Variants in TOMM20L observed in about 807,000 individuals in gnomAD.
The protein encoded by TOMM20L is translocase of outer mitochondrial membrane 20 like.
TOMM20L carries 19 observed loss-of-function variants against 20.4 expected under a neutral mutation model. The observed-to-expected ratio is 0.93, with a 90% CI of 0.65 to 1.36. TOMM20L has a LOEUF of 1.36. Ranked by LOEUF, TOMM20L falls within the 40% of genes most tolerant of loss-of-function variation. The probability of loss-of-function intolerance (pLI) is 0.00; values close to 1 mark genes in which losing one functional copy is unlikely to be tolerated. For synonymous variants in TOMM20L, 75 were observed against 79.6 expected (o/e 0.94, Z 0.30); for missense variants, 218 against 203.7 (o/e 1.07, Z -0.43).
rs1307557262 is a variant in TOMM20L, at chr14:58,407,472, A to G, written c.405+4A>G. ...CAAAATTCCCCTTATTTGCCAGGTGAGCACATATTTAATTATCTTTGTGAA... is the reference window on the plus strand; with the variant it reads ...CAAAATTCCCCTTATTTGCCAGGTGGGCACATATTTAATTATCTTTGTGAA... On this transcript the variant is annotated splice_donor_region_variant and intron_variant, in intron 4 of 4. Coordinates refer to ENST00000360945, the MANE Select transcript of TOMM20L (RefSeq NM_207377.3). The G allele has an allele frequency of 2.5e-6, 4 of 1,609,094 alleles. No homozygotes were observed. Among genetic ancestry groups the G allele is most frequent in the Non-Finnish European group, 8.5e-7 (1 of 1,178,476 alleles).
At chr14:58,410,969 T>C (rs1202754919), downstream of TOMM20L, 3 of 1,531,658 alleles carry the variant, frequency 2.0e-6, no homozygotes, top group East Asian at 4.5e-5. Flanking sequence ...TCTTTAGTAT[T>C]TGGTTTTTAA....
Position 58,407,351 on chromosome 14 carries a change from C to T in TOMM20L, c.288C>T (p.His96=). ...GAGAGCACAGAATGGGGATTCAACA[C>T]CTCGGCAATGCCCTTTTAGTGTGCG... ...SRGEHRMGIQ[H]LGNALLVCEQ... is the part of the protein sequence containing the mutation. The change falls in exon 4 of 5, where the codon CAC becomes CAT. Residue 96 remains histidine, a synonymous_variant. Coordinates refer to ENST00000360945, the MANE Select transcript of TOMM20L (RefSeq NM_207377.3). 4 of 1,610,076 alleles carry T rather than the reference C, an allele frequency of 2.5e-6. No homozygotes were observed. The highest frequency in any genetic ancestry group is 3.4e-6 in the Non-Finnish European group (4 of 1,178,648).
chr14:58,403,235 G>A (rs1353056918), intron 3 of TOMM20L, among the ~76,000 whole-genome samples: 2 of 152,170 alleles, frequency 1.3e-5, no homozygotes, highest in Non-Finnish European at 2.9e-5. Context: ...GCATGTGCCT[G>A]TAGTCCCAGC....
chr14:58,416,992 G>C, the TOMM20L span, among the ~76,000 whole-genome samples: 1 of 152,108 alleles, frequency 6.6e-6, no homozygotes, highest in African/African-American at 2.4e-5. Flanking sequence ...GACCTGGTGG[G>C]AGGTAATTGA....
chr14:58,416,316 T>C, the TOMM20L span, among the ~76,000 whole-genome samples: 18 of 152,258 alleles, frequency 1.2e-4, 1 homozygote, highest in African/African-American at 4.1e-4. Flanking sequence ...ATCTTGCCTG[T>C]AGGGGTAAAA....
chr14:58,410,796 G>C, downstream of TOMM20L: 1 of 1,299,368 alleles, frequency 7.7e-7, no homozygotes, highest in Non-Finnish European at 1.1e-6. Flanking sequence ...CCTACTTAGA[G>C]TGTTTATGAA....
rs1181990512 is a variant in TOMM20L at position 58,396,340 on chromosome 14, A to G, written c.179A>G (p.Gln60Arg). The G allele has an allele frequency of 2.4e-5, 39 of 1,613,196 alleles. No individual in the cohort carries two copies. The highest frequency in any genetic ancestry group is 3.1e-5 in the Non-Finnish European group (37 of 1,179,810). Residue 60 changes from glutamine to arginine, a missense_variant and splice_region_variant, in exon 2 of 5, where the codon CAG (glutamine) becomes CGG (arginine). Coordinates refer to ENST00000360945, the MANE Select transcript of TOMM20L (RefSeq NM_207377.3). ...EPQKAEEQGT[Q>R]LWDPTKNKKL... ...CAAAAGGCTGAGGAGCAGGGCACGC[A>G]GGTGCAGTGCTTTCGATCCGCACAG... is the stretch of plus-strand genomic sequence containing the variant.
At chr14:58,410,821 TAGTG>T (rs756501404), downstream of TOMM20L, 4 of 1,544,062 alleles carry the variant, frequency 2.6e-6, no homozygotes, top group Non-Finnish European at 3.5e-6. Flanking sequence ...TGTAGAATTT[TAGTG>T]AGTAACACTT....
At chr14:58,414,786 C>T in the TOMM20L span, among the ~76,000 whole-genome samples, 1 of 150,780 alleles carries the variant, frequency 6.6e-6, no homozygotes, top group Non-Finnish European at 1.5e-5. Context: ...ACAATAACTA[C>T]TGACATTTAA....
downstream of TOMM20L, among the ~76,000 whole-genome samples, chr14:58,410,263 C>T (rs1176077600): frequency 1.3e-5 from 2 of 151,888 alleles, no homozygotes; most frequent in African/African-American, 2.4e-5. Context: ...TTTGTAAAGA[C>T]AGGGTTTCAC....
downstream of TOMM20L, among the ~76,000 whole-genome samples, chr14:58,409,500 C>A (rs1158060962): frequency 6.6e-6 from 1 of 152,142 alleles, no homozygotes; most frequent in South Asian, 2.1e-4. Context: ...AAAATGTAGA[C>A]CCAGTAGTAA....
At chr14:58,416,425 A>C in the TOMM20L span, among the ~76,000 whole-genome samples, 1 of 152,228 alleles carries the variant, frequency 6.6e-6, no homozygotes, top group African/African-American at 2.4e-5. Flanking sequence ...CTGTCAATGC[A>C]GAAACCTGTA....
downstream of TOMM20L, chr14:58,412,130 A>C: frequency 1.9e-6 from 1 of 535,706 alleles, no homozygotes; most frequent in Non-Finnish European, 3.3e-6. Context: ...ATAGAACCTT[A>C]CAGTTGAGAA....
chr14:58,401,936 A>AAC (rs2035998631), intron 2 of TOMM20L, among the ~76,000 whole-genome samples: 4 of 152,214 alleles, frequency 2.6e-5, no homozygotes, highest in Non-Finnish European at 5.9e-5. Flanking sequence ...TTAGAGAGTT[A>AAC]CTGCTACATG....
chr14:58,411,476 C>T (rs1367143793), downstream of TOMM20L, among the ~76,000 whole-genome samples: 3 of 150,670 alleles, frequency 2.0e-5, no homozygotes, highest in African/African-American at 7.3e-5. Context: ...AAAATACGTA[C>T]ACTTTATAAC....
downstream of TOMM20L, among the ~76,000 whole-genome samples, chr14:58,411,601 A>ACGAT (rs2036219052): frequency 6.6e-6 from 1 of 151,470 alleles, no homozygotes; most frequent in African/African-American, 2.4e-5. Context: ...GTGCAATGCC[A>ACGAT]CGATCTCGGC....
At chr14:58,398,889 A>C (rs1821393164) in intron 2 of TOMM20L, 1 of 151,724 alleles carries the variant, frequency 6.6e-6, no homozygotes, top group Non-Finnish European at 1.5e-5. Context: ...ACTCTATTCT[A>C]ATTTTTTTTT....
chr14:58,409,263 T>C, downstream of TOMM20L: 1 of 1,391,364 alleles, frequency 7.2e-7, no homozygotes, highest in East Asian at 2.4e-5. Context: ...TAGTTTGCTT[T>C]TCTTTGAATA....
At chr14:58,413,038 G>A (rs1403151171), downstream of TOMM20L, among the ~76,000 whole-genome samples, 1 of 151,918 alleles carries the variant, frequency 6.6e-6, no homozygotes, top group African/African-American at 2.4e-5. Flanking sequence ...ATACTCAGTC[G>A]AATACATCAA....
Sources: allele counts gnomAD v4.1 joint callset (sites outside exome capture counted in the v4.1 genomes callset), GRCh38; gene constraint gnomAD v4.1.1; transcripts MANE v1.5; gene names NCBI Gene and HGNC (gene_info 2026-07-23, HGNC 2026-07-21).